Variants in BEND7 observed in about 807,000 individuals in gnomAD.
The protein encoded by BEND7 is BEN domain-containing protein 7.
A neutral mutation model predicts 50.9 loss-of-function variants in BEND7; 28 were observed. The ratio of observed to expected loss-of-function variants is 0.55; its 90% CI spans 0.41 to 0.75. The LOEUF is 0.75. BEND7 is among the 30% of genes least tolerant of loss of function. The pLI is 0.00. For missense variants in BEND7, 477 were observed against 491.3 expected, an observed-to-expected ratio of 0.97 and a Z score of 0.28; for synonymous variants, 170 against 183.9, an observed-to-expected ratio of 0.92 and a Z score of 0.61.
chr10:13,503,833 T>G (rs77887490), intron 2 of BEND7, among the ~76,000 whole-genome samples: 2 of 152,046 alleles, frequency 1.3e-5, no homozygotes, highest in South Asian at 2.1e-4. Flanking sequence ...GCAGGGAAGG[T>G]TGAAGAAGGG....
intron 7 of BEND7, among the ~76,000 whole-genome samples, chr10:13,449,378 G>A (rs904701859): frequency 2.6e-5 from 4 of 152,078 alleles, no homozygotes; most frequent in South Asian, 2.1e-4. Flanking sequence ...GCAGTGTGTC[G>A]CTGAACCCTT....
At chr10:13,475,546 T>C (rs2075361843) in intron 6 of BEND7, among the ~76,000 whole-genome samples, 1 of 152,236 alleles carries the variant, frequency 6.6e-6, no homozygotes, top group African/African-American at 2.4e-5. Flanking sequence ...ACAGTGGAGC[T>C]GATTCTCACT....
In BEND7 at chr10:13,441,512, G is replaced by A. The variant is rs749542666; in HGVS notation, c.*231C>T. ...GCTGAACACCCCAAGCTGTGGCCCC[G>A]CCTTGGAAGGCAGTGCTTCTGAAGG... On this transcript the variant is annotated 3_prime_UTR_variant, in exon 9 of 9. Transcript: ENST00000466271. 1.3e-4 allele frequency: 172 copies of A among 1,375,308 alleles called. No individual in the cohort carries two copies. The highest frequency in any genetic ancestry group is 1.5e-4 in the Non-Finnish European group (161 of 1,067,432). 85.2% of individuals were successfully genotyped at this position (1,375,308 alleles called of 1,614,324 possible). A position where few individuals can be genotyped will look rare whatever the true frequency, so the allele number is the denominator to read the frequency against.
chr10:13,516,502 G>A (rs961005157), intron 2 of BEND7, among the ~76,000 whole-genome samples: 1 of 152,200 alleles, frequency 6.6e-6, no homozygotes, highest in East Asian at 1.9e-4. Flanking sequence ...AAGGCAGGCA[G>A]ATCGCTTGAA....
rs186736130 is a variant in BEND7 at position 13,497,957 on chromosome 10, A to G, written c.449-1069T>C. ...AGGATAACTTAGTGATTGTAGTGGT[A>G]CAATTATTTACATTCAAAATTGTAG... On this transcript the variant is annotated intron_variant, in intron 3 of 8. Transcript: ENST00000466271. Among the ~76,000 whole-genome samples, 365 of 152,372 alleles carry G rather than the reference A, an allele frequency of 2.4e-3. 2 individuals carry two copies. The highest frequency in any genetic ancestry group is 8.2e-3 in the African/African-American group (342 of 41,592).
At chr10:13,521,869 G>A (rs1460695419) in intron 2 of BEND7, among the ~76,000 whole-genome samples, 1 of 152,218 alleles carries the variant, frequency 6.6e-6, no homozygotes, top group Non-Finnish European at 1.5e-5. Context: ...GTGGCTGGGA[G>A]ATAACTCTCT....
At chr10:13,510,117 G>A (rs1221479368) in intron 2 of BEND7, among the ~76,000 whole-genome samples, 1 of 152,114 alleles carries the variant, frequency 6.6e-6, no homozygotes, top group Non-Finnish European at 1.5e-5. Flanking sequence ...CATGGAAAAG[G>A]TCTTATAAAT....
chr10:13,445,216 G>A (rs1403497500), intron 8 of BEND7: 1 of 152,204 alleles, frequency 6.6e-6, no homozygotes, highest in African/African-American at 2.4e-5. Context: ...AGATCTGCAA[G>A]TGTGTTATAC....
chr10:13,441,681 A>G lies in BEND7; in HGVS notation c.*62T>C, dbSNP rs977405348. The G allele has an allele frequency of 3.1e-6, 5 of 1,611,654 alleles. No homozygotes were observed. In the African/African-American group the frequency reaches 6.7e-5, roughly 22 times the overall value. On this transcript the variant is annotated 3_prime_UTR_variant, in exon 9 of 9. Transcript: ENST00000466271. ...TGGGTAGTAGCTCCTTGTGGGAGGC[A>G]GAGGACGGATTTTAAAACCCATGGT...
chr10:13,465,429 G>A (rs10796084), intron 6 of BEND7, among the ~76,000 whole-genome samples: 110,672 of 151,930 alleles, frequency 0.73, 40,800 homozygotes, highest in East Asian at 0.88. Context: ...GCAGTCAGTC[G>A]TACAAGACAC....
At chr10:13,513,936 C>A (rs1407683002) in intron 2 of BEND7, among the ~76,000 whole-genome samples, 1 of 152,182 alleles carries the variant, frequency 6.6e-6, no homozygotes, top group African/African-American at 2.4e-5. Flanking sequence ...GCCCGGGACT[C>A]TATTCAAGAC....
intron 2 of BEND7, among the ~76,000 whole-genome samples, chr10:13,519,607 T>A (rs1037718266): frequency 6.6e-6 from 1 of 152,252 alleles, no homozygotes; most frequent in Non-Finnish European, 1.5e-5. Context: ...GGATTTCGCA[T>A]GTGCGTCAGG....
intron 5 of BEND7, among the ~76,000 whole-genome samples, chr10:13,490,606 T>G (rs551276194): frequency 6.6e-6 from 1 of 152,322 alleles, no homozygotes; most frequent in Non-Finnish European, 1.5e-5. Context: ...CCGCATGCTG[T>G]TCTAGCTACG....
At chr10:13,488,294 C>G (rs1022261829) in intron 5 of BEND7, among the ~76,000 whole-genome samples, 13 of 151,350 alleles carry the variant, frequency 8.6e-5, no homozygotes. Flanking sequence ...ATTGTTTCAC[C>G]AAGCTGAAAA....
chr10:13,528,557 G>A lies in BEND7; in HGVS notation c.-24C>T, dbSNP rs1286460882. On this transcript the variant is annotated 5_prime_UTR_variant, in exon 1 of 9. Transcript: ENST00000466271. ...ATGGTGCGGGGAAGGCGGCGGCGGG[G>A]GCTGAGGAGGCGGCGGCAGCGGCGG... 1.0e-6 allele frequency: 1 copy of A among 1,003,070 alleles called. No homozygotes were observed. Among genetic ancestry groups the A allele is most frequent in the South Asian group, 4.0e-5 (1 of 25,246 alleles). The allele number at this position is 1,003,070 out of a possible 1,614,324, so 62.1% of individuals were successfully genotyped here.
chr10:13,501,374 C>A (rs2077445116), intron 2 of BEND7, among the ~76,000 whole-genome samples: 4 of 72,930 alleles, frequency 5.5e-5, no homozygotes, highest in African/African-American at 1.1e-4. Flanking sequence ...AACTCCATCT[C>A]AAAAAAAAAA....
downstream of BEND7, among the ~76,000 whole-genome samples, chr10:13,440,736 A>G (rs1031097598): frequency 1.3e-5 from 2 of 152,230 alleles, no homozygotes; most frequent in African/African-American, 4.8e-5. Flanking sequence ...TGTCCGTCTG[A>G]TGTGTTGTTT....
chr10:13,480,246 G>A (rs567666717), intron 6 of BEND7, among the ~76,000 whole-genome samples: 3 of 152,324 alleles, frequency 2.0e-5, no homozygotes, highest in East Asian at 3.9e-4. Flanking sequence ...AAATGCAGAG[G>A]TGCTCCCACG....
At chr10:13,480,420 G>C (rs1184911124) in intron 6 of BEND7, among the ~76,000 whole-genome samples, 1 of 152,118 alleles carries the variant, frequency 6.6e-6, no homozygotes, top group East Asian at 1.9e-4. Context: ...CACAGGGTTT[G>C]ATGTCACAGT....
Sources: gnomAD v4.1 joint callset for allele counts (sites outside exome capture counted in the v4.1 genomes callset) on GRCh38, gnomAD v4.1.1 for gene constraint, MANE v1.5 for transcripts, NCBI Gene and HGNC (gene_info 2026-07-23, HGNC 2026-07-21) for gene names.